Variants in MYO5C observed in about 807,000 individuals in gnomAD.
MYO5C encodes unconventional myosin-Vc.
Under a neutral mutation model 235.7 loss-of-function variants are expected in MYO5C, and 194 were observed. The observed-to-expected ratio is 0.82, with a 90% CI of 0.73 to 0.93. The LOEUF (loss-of-function observed/expected upper bound fraction) is 0.93, where lower values mean the gene tolerates loss of function less well. MYO5C is among the 40% of genes least tolerant of loss of function. The pLI is 0.00. For missense variants in MYO5C, 2,038 were observed against 2,127.2 expected (o/e 0.96, Z 0.82); for synonymous variants, 707 against 754.8 (o/e 0.94, Z 1.04).
chr15:52,263,709 C>A (rs1305582259), intron 9 of MYO5C, among the ~76,000 whole-genome samples: 4 of 152,190 alleles, frequency 2.6e-5, no homozygotes, highest in East Asian at 3.8e-4. Context: ...CTGCCACCCA[C>A]CACCTTCTCA....
At chr15:52,275,529 C>A in intron 5 of MYO5C, 33 bp downstream of exon 5, 1 of 1,612,282 alleles carries the variant, frequency 6.2e-7, no homozygotes, top group South Asian at 1.1e-5. Context: ...TTTCCATCAC[C>A]AACACCCAGC....
intron 34 of MYO5C, among the ~76,000 whole-genome samples, chr15:52,212,496 T>A (rs2035465752): frequency 1.3e-5 from 2 of 151,990 alleles, no homozygotes; most frequent in South Asian, 2.1e-4. Context: ...AGGGTAGAGG[T>A]GCTCATATGA....
intron 14 of MYO5C, among the ~76,000 whole-genome samples, chr15:52,248,444 C>A (rs921761592): frequency 1.3e-5 from 2 of 152,218 alleles, no homozygotes. Flanking sequence ...CCACGTCTGG[C>A]TGGAATTGTG....
At chr15:52,282,985 T>C (rs2037192299) in intron 1 of MYO5C, 93 bp from the exon 2 acceptor site, 3 of 787,450 alleles carry the variant, frequency 3.8e-6, no homozygotes, top group African/African-American at 3.4e-5. Flanking sequence ...TTCTGTGCAC[T>C]AGGTCAGCTC....
chr15:52,204,948 G>C lies in MYO5C; in HGVS notation c.4737C>G (p.Leu1579=). 6.2e-7 allele frequency: 1 copy of C among 1,614,254 alleles called. No homozygotes were observed. The highest frequency in any genetic ancestry group is 8.5e-7 in the Non-Finnish European group (1 of 1,180,036). ...PELVRQAVKQ[L]FFLIGAVTLN... ...GCGTGACCGCCCCGATCAAGAAGAA[G>C]AGCTGCTTCACCGCCTGCCTCACAA... is the stretch of plus-strand genomic sequence containing the variant. Residue 1579 remains leucine (L), a synonymous_variant, in exon 38 of 41, where the codon CTC becomes CTG. Coordinates refer to ENST00000261839, the MANE Select transcript of MYO5C (RefSeq NM_018728.4).
At chr15:52,200,326 G>A (rs2035158067) in intron 38 of MYO5C, among the ~76,000 whole-genome samples, 1 of 152,142 alleles carries the variant, frequency 6.6e-6, no homozygotes, top group Admixed American at 6.5e-5. Flanking sequence ...CCAGCACTTT[G>A]GGAGGCTGAG....
At chr15:52,224,443 A>C (rs1433126479) in intron 28 of MYO5C, among the ~76,000 whole-genome samples, 1 of 152,216 alleles carries the variant, frequency 6.6e-6, no homozygotes, top group African/African-American at 2.4e-5. Context: ...TTCACCAGTC[A>C]TAGTAAACAC....
chr15:52,212,928 G>C (rs1327032733), intron 34 of MYO5C, among the ~76,000 whole-genome samples: 1 of 152,204 alleles, frequency 6.6e-6, no homozygotes, highest in Non-Finnish European at 1.5e-5. Context: ...GCAATACCTG[G>C]AGATATCTTT....
At chr15:52,294,422 A>G (rs984930194) in intron 1 of MYO5C, among the ~76,000 whole-genome samples, 2 of 152,244 alleles carry the variant, frequency 1.3e-5, no homozygotes, top group Non-Finnish European at 2.9e-5. Context: ...ATGGAGATGC[A>G]ATAGAGGAGA....
intron 35 of MYO5C, among the ~76,000 whole-genome samples, chr15:52,209,754 G>A (rs1365586591): frequency 6.6e-6 from 1 of 152,132 alleles, no homozygotes; most frequent in Non-Finnish European, 1.5e-5. Flanking sequence ...ATCAATTTAT[G>A]GGAGCCCCTT....
chr15:52,211,735 C>T lies in MYO5C; in HGVS notation c.4291G>A (p.Val1431Ile). ...NSTINGIKQV[V>I]KEHLEDFEML... The stretch of plus-strand genomic sequence containing the variant: ...ATGTCAAAGGCATTTCCTACCTTAA[C>T]CACCTGCTTGATGCCATTAATGGTG... Residue 1431 changes from valine (V) to isoleucine (I), a missense_variant, in exon 35 of 41, where the codon GTT (valine) becomes ATT (isoleucine). Coordinates refer to ENST00000261839, the MANE Select transcript of MYO5C (RefSeq NM_018728.4). 6.2e-7 allele frequency: 1 copy of T among 1,613,510 alleles called. No homozygotes were observed. The highest frequency in any genetic ancestry group is 8.5e-7 in the Non-Finnish European group (1 of 1,179,616).
chr15:52,280,355 T>G (rs1248299615), intron 2 of MYO5C, among the ~76,000 whole-genome samples: 1 of 152,250 alleles, frequency 6.6e-6, no homozygotes, highest in Non-Finnish European at 1.5e-5. Context: ...TTTCCCAGGC[T>G]TGCTCCTCTT....
chr15:52,231,319 G>C (rs963112840), intron 24 of MYO5C, among the ~76,000 whole-genome samples: 2 of 152,066 alleles, frequency 1.3e-5, no homozygotes, highest in Non-Finnish European at 2.9e-5. Context: ...CCTAGAGAGG[G>C]TGAAGAGTTT....
At chr15:52,197,846 G>C (rs2035088888) in intron 38 of MYO5C, among the ~76,000 whole-genome samples, 1 of 151,806 alleles carries the variant, frequency 6.6e-6, no homozygotes. Flanking sequence ...ATGTTGGCCA[G>C]GCTGGTCTTG....
chr15:52,256,971 T>C (rs548075743), intron 10 of MYO5C: 1 of 416,140 alleles, frequency 2.4e-6, no homozygotes, highest in South Asian at 3.1e-5. Context: ...AAAATAAGCA[T>C]GTCACCATAT....
chr15:52,286,077 C>T (rs991414719), intron 1 of MYO5C, among the ~76,000 whole-genome samples: 1 of 151,996 alleles, frequency 6.6e-6, no homozygotes, highest in African/African-American at 2.4e-5. Context: ...CGTCTCTGCC[C>T]GGCCGCCCCG....
intron 1 of MYO5C, 101 bp downstream of exon 1, chr15:52,295,509 G>T: frequency 1.5e-6 from 2 of 1,356,542 alleles, no homozygotes; most frequent in Admixed American, 5.7e-5. Flanking sequence ...GCCGTGTCAG[G>T]TGCGCAGGTG....
At chr15:52,246,093 T>G (rs2036337594) in intron 16 of MYO5C, 51 bp from the exon 17 acceptor site, 3 of 1,469,048 alleles carry the variant, frequency 2.0e-6, no homozygotes, top group Non-Finnish European at 2.8e-6. Flanking sequence ...TTGCTCAACA[T>G]GCCCATAAAC....
chr15:52,292,587 G>A (rs892042542), intron 1 of MYO5C, among the ~76,000 whole-genome samples: 7 of 152,182 alleles, frequency 4.6e-5, no homozygotes, highest in Non-Finnish European at 7.3e-5. Flanking sequence ...CCATATCATC[G>A]TCTCCATGGT....
Sources: gnomAD v4.1 joint callset for allele counts (sites outside exome capture counted in the v4.1 genomes callset) on GRCh38, gnomAD v4.1.1 for gene constraint, MANE v1.5 for transcripts, NCBI Gene and HGNC (gene_info 2026-07-23, HGNC 2026-07-21) for gene names.